The following ANO2 variants were observed in gnomAD, a reference collection of about 807,000 sequenced individuals.
ANO2 encodes the protein anoctamin-2.
Under a neutral mutation model 124.2 loss-of-function variants are expected in ANO2, and 101 were observed. The ratio of observed to expected loss-of-function variants is 0.81; its 90% CI spans 0.69 to 0.96. The LOEUF (loss-of-function observed/expected upper bound fraction) is 0.96, where lower values mean the gene tolerates loss of function less well. Ranked by LOEUF, ANO2 falls within the 40% of genes least tolerant of loss-of-function variation. The probability of loss-of-function intolerance (pLI) is 0.00; values close to 1 mark genes in which losing one functional copy is unlikely to be tolerated. For synonymous variants in ANO2, 486 were observed against 482.5 expected, an observed-to-expected ratio of 1.01 and a Z score of -0.09; for missense variants, 1,293 against 1,274.5, an observed-to-expected ratio of 1.01 and a Z score of -0.22.
intron 10 of ANO2, among the ~76,000 whole-genome samples, chr12:5,756,225 T>C (rs188689868): frequency 1.3e-5 from 2 of 152,178 alleles, no homozygotes; most frequent in East Asian, 3.9e-4. Context: ...ATTATTTCTA[T>C]ATGTTTGTTG....
chr12:5,631,110 G>A (rs1323298580), intron 16 of ANO2, among the ~76,000 whole-genome samples: 1 of 152,172 alleles, frequency 6.6e-6, no homozygotes, highest in Admixed American at 6.5e-5. Context: ...ATGCAACCAA[G>A]ATATTGAGAT....
intron 4 of ANO2, among the ~76,000 whole-genome samples, chr12:5,837,251 C>T (rs4764477): frequency 7.3e-6 from 1 of 137,842 alleles, no homozygotes; most frequent in African/African-American, 2.6e-5. Context: ...GAGTGCAGCA[C>T]CCACGGGGCC....
At position 5,908,020 on chromosome 12, in the gene ANO2, AGTACATAGC is replaced by A. The variant is rs1940810991; in HGVS notation, c.534+13011_534+13019del. ...CAACTCCACAATGCACCGTGAGAGCAGTACATAGCAACACACACAAACTCGTAACCACGC... is the reference window on the plus strand; with the variant it reads ...CAACTCCACAATGCACCGTGAGAGCAAACACACACAAACTCGTAACCACGC... On this transcript the variant is annotated intron_variant, in intron 3 of 24. Coordinates refer to ENST00000682330, the MANE Select transcript of ANO2 (RefSeq NM_001364791.2). The surrounding 1 kb of genome is among the most constrained non-coding windows in gnomAD (Gnocchi z 4.7). Among the ~76,000 whole-genome samples the A allele has an allele frequency of 6.6e-6, 1 of 152,384 alleles. No homozygotes were observed. The highest frequency in any genetic ancestry group is 6.5e-5 in the Admixed American group (1 of 15,310).
intron 16 of ANO2, among the ~76,000 whole-genome samples, chr12:5,616,083 G>C (rs1944792369): frequency 6.6e-6 from 1 of 152,170 alleles, no homozygotes; most frequent in Non-Finnish European, 1.5e-5. Flanking sequence ...AGTGGACAAT[G>C]GTTCAGGACA....
chr12:5,833,581 T>G (rs1954223919), intron 4 of ANO2, among the ~76,000 whole-genome samples: 1 of 152,110 alleles, frequency 6.6e-6, no homozygotes, highest in Non-Finnish European at 1.5e-5. Context: ...CCGGTACTGG[T>G]CCATGGCCTG....
chr12:5,937,634 G>A (rs974856982), intron 1 of ANO2, among the ~76,000 whole-genome samples: 3 of 151,998 alleles, frequency 2.0e-5, no homozygotes, highest in African/African-American at 7.3e-5. Flanking sequence ...TTCCTATCGA[G>A]GGGGTTGGAA....
chr12:5,941,973 A>G (rs567805536), intron 1 of ANO2, among the ~76,000 whole-genome samples: 1 of 152,348 alleles, frequency 6.6e-6, no homozygotes, highest in African/African-American at 2.4e-5. Flanking sequence ...ACAAGTTGAG[A>G]GAATGTCACC....
Position 5,792,126 on chromosome 12 carries a change from A to T in ANO2, c.1055+7381T>A, listed in dbSNP as rs924454506. 2.0e-5 allele frequency among the ~76,000 whole-genome samples: 3 copies of T among 152,194 alleles called. No individual in the cohort carries two copies. The East Asian group carries it at 5.8e-4, about 29-fold the overall frequency. On this transcript the variant is annotated intron_variant, in intron 10 of 24. Transcript: ENST00000682330. Reference sequence around the variant, plus strand: ...ATCACCCCTATTTCATAGCTGAGAAAACTGAGGCTCAAGAGAGAATGACTT... The same window carrying T: ...ATCACCCCTATTTCATAGCTGAGAATACTGAGGCTCAAGAGAGAATGACTT...
chr12:5,889,267 G>A (rs898332873), intron 3 of ANO2, among the ~76,000 whole-genome samples: 5 of 152,140 alleles, frequency 3.3e-5, no homozygotes, highest in African/African-American at 7.2e-5. Flanking sequence ...AGCCGACTCC[G>A]GCCTCGGCCA....
intron 10 of ANO2, among the ~76,000 whole-genome samples, chr12:5,764,726 T>C (rs1361212592): frequency 6.6e-6 from 1 of 152,064 alleles, no homozygotes; most frequent in African/African-American, 2.4e-5. Flanking sequence ...CCTGCTTTTT[T>C]CCAACTCTGA....
intron 3 of ANO2, among the ~76,000 whole-genome samples, chr12:5,913,145 G>A (rs777935112): frequency 6.6e-6 from 1 of 152,144 alleles, no homozygotes; most frequent in Admixed American, 6.5e-5. Flanking sequence ...TCCAGGGGAC[G>A]CTGTCACCCT....
intron 14 of ANO2, among the ~76,000 whole-genome samples, chr12:5,729,657 G>A (rs76863901): frequency 0.13 from 18,880 of 150,626 alleles, 1,314 homozygotes; most frequent in African/African-American, 0.19. Context: ...CTACTCCTAC[G>A]TATATACCCA....
At chr12:5,721,718 C>T (rs913117806) in intron 14 of ANO2, among the ~76,000 whole-genome samples, 2 of 152,126 alleles carry the variant, frequency 1.3e-5, no homozygotes, top group East Asian at 1.9e-4. Flanking sequence ...ACGTTGCCCA[C>T]GCTGGTCTCA....
chr12:5,664,292 C>T lies in ANO2; in HGVS notation c.1546-16491G>A, dbSNP rs150930290. Among the ~76,000 whole-genome samples, 1,291 of 152,146 alleles carry T rather than the reference C, an allele frequency of 8.5e-3. 17 individuals are homozygous for T. Among genetic ancestry groups the T allele is most frequent in the African/African-American group, 0.03 (1,251 of 41,518 alleles). On this transcript the variant is annotated intron_variant, in intron 14 of 24. Transcript: ENST00000682330. ...CCATCTACCTATCCATCCAGGCATC[C>T]ATCATTCTACCCATCTATCTACCCA...
At position 5,904,379 on chromosome 12, in the gene ANO2, C is replaced by G. The variant is rs1940531100; in HGVS notation, c.534+16661G>C. 6.6e-6 allele frequency among the ~76,000 whole-genome samples: 1 copy of G among 152,290 alleles called. No homozygotes were observed. The highest frequency in any genetic ancestry group is 2.4e-5 in the African/African-American group (1 of 41,560). On this transcript the variant is annotated intron_variant, in intron 3 of 24. Coordinates refer to ENST00000682330, the MANE Select transcript of ANO2 (RefSeq NM_001364791.2). The surrounding 1 kb of genome is among the most constrained non-coding windows in gnomAD (Gnocchi z 4.1). ...GCAAAGCAGGGTTACACTGAAGGGT[C>G]TGAATGAGTGGGATTGGAAGGAGGG...
intron 20 of ANO2, among the ~76,000 whole-genome samples, chr12:5,586,554 C>T (rs1943118644): frequency 1.3e-5 from 2 of 152,208 alleles, no homozygotes. Flanking sequence ...CACTTACATC[C>T]AGCCTCTGTT....
intron 15 of ANO2, among the ~76,000 whole-genome samples, chr12:5,637,591 G>A (rs1012985835): frequency 1.3e-5 from 2 of 152,164 alleles, no homozygotes; most frequent in African/African-American, 2.4e-5. Context: ...AAGCTTGATT[G>A]AAATGCGGAA....
In ANO2 at chr12:5,635,139, G is replaced by A. The variant is rs750456230; in HGVS notation, c.1816+13C>T. 2.2e-5 allele frequency: 35 copies of A among 1,556,194 alleles called. No individual in the cohort carries two copies. Among genetic ancestry groups the A allele is most frequent in the Middle Eastern group, 1.9e-4 (1 of 5,402 alleles). ...AGGGCCTAGGACAGCCAGAAGTCTC[G>A]GTGACACAGTACCAATTTTGGTGAG... On this transcript the variant is annotated intron_variant, in intron 16 of 24. Transcript: ENST00000682330. This position sits in a 1 kb window ranked among gnomAD's most constrained non-coding sequence, Gnocchi z 5.2.
At chr12:5,605,994 C>G (rs567415636) in intron 19 of ANO2, among the ~76,000 whole-genome samples, 1 of 152,182 alleles carries the variant, frequency 6.6e-6, no homozygotes, top group African/African-American at 2.4e-5. Context: ...AGCCAGATCA[C>G]GCAACCAAGT....
Sources: gnomAD v4.1 joint callset for allele counts (sites outside exome capture counted in the v4.1 genomes callset) on GRCh38, gnomAD v4.1.1 for gene constraint, Gnocchi (gnomAD v3.1) non-coding constraint, MANE v1.5 for transcripts, NCBI Gene and HGNC (gene_info 2026-07-23, HGNC 2026-07-21) for gene names.